LRRTM3: variants seen among roughly 807,000 people sequenced by gnomAD.
The protein encoded by LRRTM3 is leucine-rich repeat transmembrane neuronal protein 3.
A neutral mutation model predicts 44.7 loss-of-function variants in LRRTM3; 24 were observed. The ratio of observed to expected loss-of-function variants is 0.54; its 90% confidence interval spans 0.39 to 0.76. The LOEUF (loss-of-function observed/expected upper bound fraction) is 0.76. Ranked by LOEUF, LRRTM3 falls within the 30% of genes least tolerant of loss-of-function variation. The pLI is 0.00. For synonymous variants in LRRTM3, 277 were observed against 278.7 expected, an observed-to-expected ratio of 0.99 and a Z score of 0.06; for missense variants, 587 against 702.2, an observed-to-expected ratio of 0.84 and a Z score of 1.85.
chr10:66,953,616 C>G (rs1848647673), intron 2 of LRRTM3, among the ~76,000 whole-genome samples: 2 of 152,052 alleles, frequency 1.3e-5, no homozygotes, highest in Non-Finnish European at 2.9e-5. Flanking sequence ...TTCAAAGATA[C>G]ATTACCTTAT....
chr10:67,000,150 A>G (rs945001868), intron 2 of LRRTM3, among the ~76,000 whole-genome samples: 6 of 152,198 alleles, frequency 3.9e-5, no homozygotes, highest in African/African-American at 1.4e-4. Context: ...AGATGACTAG[A>G]TCTGGTTTCC....
intron 2 of LRRTM3, among the ~76,000 whole-genome samples, chr10:66,970,567 T>C (rs1849666177): frequency 1.3e-5 from 2 of 152,064 alleles, no homozygotes; most frequent in Non-Finnish European, 2.9e-5. Flanking sequence ...ACATAAATTC[T>C]AATAATGCCA....
At chr10:67,015,193 T>C (rs1449738022) in intron 2 of LRRTM3, 1 of 152,158 alleles carries the variant, frequency 6.6e-6, no homozygotes, top group Admixed American at 6.5e-5. Context: ...ATCATTTTCA[T>C]TAACATGCTT....
chr10:67,083,856 A>C (rs892781960), intron 2 of LRRTM3, among the ~76,000 whole-genome samples: 5 of 152,204 alleles, frequency 3.3e-5, no homozygotes, highest in African/African-American at 1.2e-4. Flanking sequence ...CACATATTTT[A>C]TTAAAATGTA....
intron 2 of LRRTM3, among the ~76,000 whole-genome samples, chr10:67,080,933 CAACAA>C (rs370943974): frequency 0.52 from 73,657 of 140,798 alleles, 19,662 homozygotes; most frequent in African/African-American, 0.68. Context: ...AACAAAAAAA[CAACAA>C]AAAAAAAAAA....
chr10:67,008,148 G>A (rs2133023505), intron 2 of LRRTM3, among the ~76,000 whole-genome samples: 1 of 151,570 alleles, frequency 6.6e-6, no homozygotes, highest in South Asian at 2.1e-4. Context: ...AAAATGTATT[G>A]TGTAATAAAA....
At chr10:66,952,824 A>G (rs1848603547) in intron 2 of LRRTM3, among the ~76,000 whole-genome samples, 1 of 151,896 alleles carries the variant, frequency 6.6e-6, no homozygotes, top group Non-Finnish European at 1.5e-5. Context: ...GTAATTTATT[A>G]TATAATTTCA....
intron 2 of LRRTM3, among the ~76,000 whole-genome samples, chr10:66,957,283 T>C (rs937240782): frequency 6.6e-6 from 1 of 151,638 alleles, no homozygotes; most frequent in Admixed American, 6.6e-5. Context: ...AATTTACTAT[T>C]TGCTCATTTA....
At chr10:67,017,589 C>T (rs139748579) in intron 2 of LRRTM3, among the ~76,000 whole-genome samples, 26 of 152,212 alleles carry the variant, frequency 1.7e-4, no homozygotes, top group Non-Finnish European at 2.5e-4. Flanking sequence ...GTAACAGAAA[C>T]TCATATGGCT....
chr10:66,948,871 T>C (rs1001874949), intron 2 of LRRTM3, among the ~76,000 whole-genome samples: 1 of 152,180 alleles, frequency 6.6e-6, no homozygotes, highest in Admixed American at 6.5e-5. Context: ...TTCTTTTCAG[T>C]AAAAGAGAGG....
chr10:67,043,551 T>A (rs1023058544), intron 2 of LRRTM3, among the ~76,000 whole-genome samples: 1 of 152,202 alleles, frequency 6.6e-6, no homozygotes, highest in African/African-American at 2.4e-5. Flanking sequence ...TGTGATGCTG[T>A]AACACTCTGA....
chr10:66,968,244 T>G (rs1339426155), intron 2 of LRRTM3, among the ~76,000 whole-genome samples: 3 of 151,814 alleles, frequency 2.0e-5, no homozygotes, highest in Non-Finnish European at 4.4e-5. Flanking sequence ...GTTTTAATTT[T>G]TAAAAACAGT....
intron 2 of LRRTM3, among the ~76,000 whole-genome samples, chr10:66,997,819 T>G (rs1421868943): frequency 6.6e-6 from 1 of 152,160 alleles, no homozygotes; most frequent in African/African-American, 2.4e-5. Context: ...GGCTCAACTA[T>G]CCACAAAATC....
At chr10:66,982,645 T>C (rs1850506487) in intron 2 of LRRTM3, among the ~76,000 whole-genome samples, 1 of 152,064 alleles carries the variant, frequency 6.6e-6, no homozygotes, top group Non-Finnish European at 1.5e-5. Context: ...GTTAACCTTG[T>C]GAGGTTATAT....
chr10:67,080,042 G>A (rs1409292191), intron 2 of LRRTM3, among the ~76,000 whole-genome samples: 1 of 152,142 alleles, frequency 6.6e-6, no homozygotes, highest in Non-Finnish European at 1.5e-5. Flanking sequence ...TCTTCCTACA[G>A]CATGCAGAAT....
chr10:67,059,387 TA>T (rs1319481387), intron 2 of LRRTM3, among the ~76,000 whole-genome samples: 1 of 151,946 alleles, frequency 6.6e-6, no homozygotes, highest in Non-Finnish European at 1.5e-5. Context: ...AAATGAGGAG[TA>T]AATAAAGAAT....
chr10:66,999,337 C>A (rs577049667), intron 2 of LRRTM3, among the ~76,000 whole-genome samples: 19 of 152,054 alleles, frequency 1.2e-4, no homozygotes, highest in African/African-American at 4.6e-4. Context: ...TTATCATGGG[C>A]CTTCTGCCTA....
At chr10:66,994,241 A>C (rs1243089228) in intron 2 of LRRTM3, among the ~76,000 whole-genome samples, 1 of 152,228 alleles carries the variant, frequency 6.6e-6, no homozygotes, top group Non-Finnish European at 1.5e-5. Flanking sequence ...GATGAAAAGA[A>C]AGAAGGAAGA....
chr10:66,983,075 G>T (rs1027338793), intron 2 of LRRTM3, among the ~76,000 whole-genome samples: 12 of 152,174 alleles, frequency 7.9e-5, no homozygotes, highest in Admixed American at 2.6e-4. Context: ...GGGGTTTTTT[G>T]ATTTCATAAA....
Sources: gnomAD v4.1 joint callset for allele counts (sites outside exome capture counted in the v4.1 genomes callset) on GRCh38, gnomAD v4.1.1 for gene constraint, MANE v1.5 for transcripts, NCBI Gene and HGNC (gene_info 2026-07-23, HGNC 2026-07-21) for gene names.